GALC: variants seen among roughly 807,000 people sequenced by gnomAD.
The protein encoded by GALC is galactosylceramidase, also known as galactocerebrosidase.
GALC carries 77 observed loss-of-function variants against 91.8 expected under a neutral mutation model. The observed-to-expected ratio is 0.84, with a 90% confidence interval of 0.70 to 1.01. The LOEUF (loss-of-function observed/expected upper bound fraction) is 1.01. GALC is among the 50% of genes least tolerant of loss of function. The pLI is 0.00. For synonymous variants in GALC, 357 were observed against 306.7 expected, an observed-to-expected ratio of 1.16 and a Z score of -1.71; for missense variants, 882 against 855.9, an observed-to-expected ratio of 1.03 and a Z score of -0.38.
chr14:87,967,989 T>C (rs181867764), intron 8 of GALC, among the ~76,000 whole-genome samples: 10 of 152,318 alleles, frequency 6.6e-5, no homozygotes, highest in Admixed American at 4.6e-4. Context: ...CCTTATGTTT[T>C]GGAGACACAT....
chr14:87,972,997 A>G (rs2140009865), intron 7 of GALC, among the ~76,000 whole-genome samples: 1 of 144,362 alleles, frequency 6.9e-6, no homozygotes, highest in Non-Finnish European at 1.5e-5. Flanking sequence ...AAAGATGAAT[A>G]AAAATATTCT....
At chr14:87,944,621 A>C (rs528730766) in intron 14 of GALC, among the ~76,000 whole-genome samples, 1 of 152,044 alleles carries the variant, frequency 6.6e-6, no homozygotes, top group Non-Finnish European at 1.5e-5. Flanking sequence ...AACTCTTCAT[A>C]GTGTTATAAG....
At chr14:87,972,008 G>T (rs1479882140) in intron 7 of GALC, among the ~76,000 whole-genome samples, 1 of 152,136 alleles carries the variant, frequency 6.6e-6, no homozygotes, top group African/African-American at 2.4e-5. Flanking sequence ...ACAAAAATCT[G>T]CAGATATAGC....
intron 3 of GALC, 65 bp downstream of exon 3, chr14:87,988,079 G>C: frequency 8.4e-7 from 1 of 1,197,596 alleles, no homozygotes. Flanking sequence ...TGAAATCACA[G>C]TCCATATGCT....
At chr14:87,983,748 G>T (rs1886848290) in intron 5 of GALC, among the ~76,000 whole-genome samples, 1 of 152,160 alleles carries the variant, frequency 6.6e-6, no homozygotes, top group Admixed American at 6.5e-5. Context: ...AGCTGGACAT[G>T]ATATCATTTT....
At chr14:87,983,672 T>C (rs1886842771) in intron 5 of GALC, among the ~76,000 whole-genome samples, 1 of 152,212 alleles carries the variant, frequency 6.6e-6, no homozygotes, top group African/African-American at 2.4e-5. Flanking sequence ...AGACCCACTA[T>C]GTGTGTGTTA....
intron 6 of GALC, among the ~76,000 whole-genome samples, chr14:87,978,271 G>C (rs958842887): frequency 2.0e-5 from 3 of 152,070 alleles, no homozygotes; most frequent in South Asian, 2.1e-4. Context: ...GGCTGATCTC[G>C]AACTCCTGAC....
intron 6 of GALC, among the ~76,000 whole-genome samples, chr14:87,980,947 T>C (rs1290788905): frequency 6.6e-6 from 1 of 152,224 alleles, no homozygotes; most frequent in Non-Finnish European, 1.5e-5. Flanking sequence ...AAAATTTTTT[T>C]CTATAAACAC....
rs543164716 is a variant in GALC, at chr14:87,987,745, G to GA, written c.328+398dup. ...TTAAAGATAAGTTTTGTTTTTAAAA[G>GA]AAAAAAAAGCTGTATCATTTTTACC... On this transcript the variant is annotated intron_variant, in intron 3 of 16. Coordinates refer to ENST00000261304, the MANE Select transcript of GALC (RefSeq NM_000153.4). The GA allele has an allele frequency of 2.5e-5, 4 of 161,740 alleles. No individual in the cohort carries two copies. In the East Asian group the frequency reaches 5.3e-4, roughly 21 times the overall value. The allele number at this position is 161,740 out of a possible 1,614,324, so 10.0% of individuals were successfully genotyped here.
Position 87,963,427 on chromosome 14 carries a change from A to G in GALC, c.1118T>C (p.Leu373Pro). 1 of 1,613,558 alleles carries G rather than the reference A, an allele frequency of 6.2e-7. No homozygotes were observed. Among genetic ancestry groups the G allele is most frequent in the Non-Finnish European group, 8.5e-7 (1 of 1,179,508 alleles). The change falls in exon 10 of 17, where the codon CTG becomes CCG. Residue 373 changes from leucine (L) to proline (P), a missense_variant. By Grantham distance (98) the Leu-to-Pro change is moderately conservative. Coordinates refer to ENST00000261304, the MANE Select transcript of GALC (RefSeq NM_000153.4). ...GGTGAGGTTCCCTAAGCCATCAGTC[A>G]GAGCTACGTAGCTTCCTCCTTTCTC... ...HLEKGGSYVA[L>P]TDGLGNLTII...
chr14:87,992,813 G>A (rs1887264541), intron 1 of GALC, 157 bp downstream of exon 1: 1 of 1,401,760 alleles, frequency 7.1e-7, no homozygotes, highest in Non-Finnish European at 9.2e-7. Context: ...GCCCCGCAGC[G>A]GGCCCGCCCC....
chr14:87,940,048 C>T (rs1884771106), intron 15 of GALC, 67 bp from the exon 16 acceptor site: 3 of 1,301,184 alleles, frequency 2.3e-6, no homozygotes, highest in East Asian at 2.3e-5. Context: ...TCATATAATT[C>T]AGTGGGGTTC....
At chr14:87,970,092 T>A (rs1370296862) in intron 7 of GALC, among the ~76,000 whole-genome samples, 2 of 152,098 alleles carry the variant, frequency 1.3e-5, no homozygotes, top group African/African-American at 2.4e-5. Flanking sequence ...ATAATATAAA[T>A]TCAAAAAATT....
At chr14:87,976,324 A>G in intron 7 of GALC, 34 bp downstream of exon 7, 1 of 1,612,228 alleles carries the variant, frequency 6.2e-7, no homozygotes, top group Non-Finnish European at 8.5e-7. Context: ...AAGCAATCAG[A>G]AACTGCTAGT....
intron 4 of GALC, among the ~76,000 whole-genome samples, chr14:87,985,335 G>C (rs1433478881): frequency 6.6e-6 from 1 of 152,160 alleles, no homozygotes; most frequent in Non-Finnish European, 1.5e-5. Flanking sequence ...CTAAACTCAG[G>C]AGGAACACCC....
rs745663293 is a variant in GALC, at chr14:87,993,166, G to C, written c.-2C>G. The C allele has an allele frequency of 1.9e-6, 3 of 1,589,588 alleles. No individual in the cohort carries two copies. The South Asian group carries it at 3.4e-5, about 18-fold the overall frequency. On this transcript the variant is annotated 5_prime_UTR_variant, in exon 1 of 17. Coordinates refer to ENST00000261304, the MANE Select transcript of GALC (RefSeq NM_000153.4). The stretch of plus-strand genomic sequence containing the variant: ...AGCCGAGAGTAGCCACTCAGCCATT[G>C]TGTGGGTCACATGACTCCGGCGCCC...
chr14:87,988,618 T>A (rs1887070333), intron 1 of GALC, 95 bp from the exon 2 acceptor site: 1 of 926,624 alleles, frequency 1.1e-6, no homozygotes, highest in South Asian at 1.3e-5. Context: ...ATACACATAT[T>A]TAGCCTCAGG....
intron 14 of GALC, among the ~76,000 whole-genome samples, chr14:87,943,729 T>G (rs879346453): frequency 1.5e-4 from 23 of 152,004 alleles, no homozygotes; most frequent in Non-Finnish European, 2.8e-4. Context: ...TTACCCAATT[T>G]TTATTCCCTC....
At chr14:87,947,944 G>T in intron 12 of GALC, 66 bp from the exon 13 acceptor site, 1 of 1,413,940 alleles carries the variant, frequency 7.1e-7, no homozygotes, top group Non-Finnish European at 9.9e-7. Flanking sequence ...GGACAGAATA[G>T]CTTTAAAAAA....
Sources: gnomAD v4.1 joint callset for allele counts (sites outside exome capture counted in the v4.1 genomes callset) on GRCh38, gnomAD v4.1.1 for gene constraint, MANE v1.5 for transcripts, NCBI Gene and HGNC (gene_info 2026-07-23, HGNC 2026-07-21) for gene names.